Variants in DIS3L2 observed in about 807,000 individuals in gnomAD.
The protein encoded by DIS3L2 is DIS3-like exonuclease 2.
In DIS3L2, 34 loss-of-function variants were observed where a neutral mutation model predicts 97.5. The observed-to-expected ratio is 0.35, with a 90% CI of 0.27 to 0.46. DIS3L2 has a LOEUF of 0.46. DIS3L2 is among the 20% of genes least tolerant of loss of function. The probability of loss-of-function intolerance (pLI) is 1.00; values close to 1 mark genes in which losing one functional copy is unlikely to be tolerated. For missense variants in DIS3L2, 1,038 were observed against 1,146.0 expected (o/e 0.91, Z 1.36); for synonymous variants, 435 against 445.2 (o/e 0.98, Z 0.29).
rs185947302 is a variant in DIS3L2 at position 232,091,225 on chromosome 2, T to C, written c.601+3504T>C. Among the ~76,000 whole-genome samples, 140 of 152,364 alleles carry C rather than the reference T, an allele frequency of 9.2e-4. 1 individual carries two copies. The highest frequency in any genetic ancestry group is 3.2e-3 in the African/African-American group (134 of 41,586). On this transcript the variant is annotated intron_variant, in intron 6 of 20. Transcript: ENST00000325385. ...AATGGCTTTAAAAATGTTCAGCTGT[T>C]GTGCTAGGAAATAGTAGGTCTTATT...
chr2:232,321,484 G>C (rs1028200283), intron 14 of DIS3L2, among the ~76,000 whole-genome samples: 17 of 152,134 alleles, frequency 1.1e-4, no homozygotes, highest in Admixed American at 2.6e-4. Context: ...GGGGCCTTCC[G>C]CATCCCACTG....
chr2:232,324,198 G>A (rs1228239001), intron 14 of DIS3L2, among the ~76,000 whole-genome samples: 1 of 152,154 alleles, frequency 6.6e-6, no homozygotes, highest in Non-Finnish European at 1.5e-5. Context: ...CTGCCTTCAT[G>A]GCCTCGGCAG....
rs1317142196 is a variant in DIS3L2, at chr2:232,268,344, T to G, written c.1659+4904T>G. On this transcript the variant is annotated intron_variant, in intron 13 of 20. Transcript: ENST00000325385. This position sits in a 1 kb window ranked among gnomAD's most constrained non-coding sequence, Gnocchi z 4.1. The stretch of plus-strand genomic sequence containing the variant: ...TTGATTGTAAAGATAGCCTTGTTAA[T>G]GGAAATTATTTTTAAATACCCTGGG... 1.3e-5 allele frequency among the ~76,000 whole-genome samples: 2 copies of G among 152,206 alleles called. No individual in the cohort carries two copies. The highest frequency in any genetic ancestry group is 2.9e-5 in the Non-Finnish European group (2 of 68,046).
Position 232,230,905 on chromosome 2 carries a change from C to T in DIS3L2, c.1205-7628C>T, listed in dbSNP as rs1296385317. ...CAGCTGTGTCCCTAGACACAGCAAG[C>T]TTGCGCCCACCCCCCATCCTTCGCT... On this transcript the variant is annotated intron_variant, in intron 10 of 20. Transcript: ENST00000325385. Among the ~76,000 whole-genome samples the T allele has an allele frequency of 3.3e-5, 5 of 152,216 alleles. No individual in the cohort carries two copies. In the East Asian group the frequency reaches 9.7e-4, roughly 29 times the overall value.
chr2:231,991,156 C>G (rs572121521), intron 1 of DIS3L2, among the ~76,000 whole-genome samples: 3 of 152,172 alleles, frequency 2.0e-5, no homozygotes, highest in Non-Finnish European at 2.9e-5. Flanking sequence ...ATCCGCCTGT[C>G]TCGGTCTCCC....
intron 14 of DIS3L2, among the ~76,000 whole-genome samples, chr2:232,316,683 C>T (rs2106335438): frequency 6.6e-6 from 1 of 152,346 alleles, no homozygotes; most frequent in Non-Finnish European, 1.5e-5. Flanking sequence ...CTGCTTCTGC[C>T]TATTTCCTGG....
At chr2:232,320,519 C>T (rs923827953) in intron 14 of DIS3L2, among the ~76,000 whole-genome samples, 17 of 152,156 alleles carry the variant, frequency 1.1e-4, no homozygotes, top group Admixed American at 2.0e-4. Flanking sequence ...AAGAATGTAT[C>T]GAGGCAAATG....
At chr2:232,194,174 C>G (rs867283957) in intron 9 of DIS3L2, among the ~76,000 whole-genome samples, 1 of 151,800 alleles carries the variant, frequency 6.6e-6, no homozygotes, top group Admixed American at 6.6e-5. Flanking sequence ...CTATATATAT[C>G]TTAGTATATA....
At chr2:232,315,968 C>T (rs1054978317) in intron 14 of DIS3L2, among the ~76,000 whole-genome samples, 5 of 152,192 alleles carry the variant, frequency 3.3e-5, no homozygotes, top group Non-Finnish European at 7.4e-5. Flanking sequence ...CCTCCAAGCC[C>T]GGGTTACCAG....
At chr2:231,990,896 G>A (rs1320652728) in intron 1 of DIS3L2, among the ~76,000 whole-genome samples, 3 of 152,072 alleles carry the variant, frequency 2.0e-5, no homozygotes, top group African/African-American at 2.4e-5. Flanking sequence ...AATAGACTCC[G>A]AGTTTTTGGA....
intron 9 of DIS3L2, among the ~76,000 whole-genome samples, chr2:232,173,815 A>G (rs1253224462): frequency 2.0e-5 from 3 of 152,240 alleles, no homozygotes; most frequent in African/African-American, 7.2e-5. Flanking sequence ...TCTTTATGCC[A>G]GTACCACACT....
Position 232,269,132 on chromosome 2 carries a change from G to A in DIS3L2, c.1659+5692G>A, listed in dbSNP as rs1293801671. 2.6e-5 allele frequency among the ~76,000 whole-genome samples: 4 copies of A among 152,128 alleles called. No homozygotes were observed. In the South Asian group the frequency reaches 8.3e-4, roughly 32 times the overall value. On this transcript the variant is annotated intron_variant, in intron 13 of 20. Transcript: ENST00000325385. This position sits in a 1 kb window ranked among gnomAD's most constrained non-coding sequence, Gnocchi z 4.5. ...TGCTGGCTCTGCCTCGTGTAGGTGCGCTGAAGGTGGGGACTGCTCATGGCA... is the reference window on the plus strand; with the variant it reads ...TGCTGGCTCTGCCTCGTGTAGGTGCACTGAAGGTGGGGACTGCTCATGGCA...
chr2:232,029,936 T>A, intron 4 of DIS3L2, 43 bp from the exon 5 acceptor site: 2 of 1,428,442 alleles, frequency 1.4e-6, no homozygotes, highest in Non-Finnish European at 1.9e-6. Flanking sequence ...TTGCTTTATG[T>A]GTTTTTAAGC....
rs553483452 is a variant in DIS3L2, at chr2:232,209,727, C to T, written c.1125-599C>T. 7.2e-5 allele frequency among the ~76,000 whole-genome samples: 11 copies of T among 152,238 alleles called. No homozygotes were observed. In the East Asian group the frequency reaches 2.1e-3, roughly 29 times the overall value. The stretch of plus-strand genomic sequence containing the variant: ...AAACTGTAAAACAGAATGAGAATGT[C>T]TGGGAGTTTCACAGGGTAAGAGTGT... On this transcript the variant is annotated intron_variant, in intron 9 of 20. Transcript: ENST00000325385.
In DIS3L2 at chr2:232,038,604, C is replaced by G. The variant is rs148829579; in HGVS notation, c.366+8524C>G. On this transcript the variant is annotated intron_variant, in intron 5 of 20. Coordinates refer to ENST00000325385, the MANE Select transcript of DIS3L2 (RefSeq NM_152383.5). The stretch of plus-strand genomic sequence containing the variant: ...AACATATGAATAAGTAAGTCTGTTG[C>G]ATTGTTTTCCTTGTTTCTCACCCCC... 6.3e-3 allele frequency among the ~76,000 whole-genome samples: 960 copies of G among 152,304 alleles called. 1 individual carries two copies. Among genetic ancestry groups the G allele is most frequent in the South Asian group, 0.025 (119 of 4,814 alleles).
chr2:232,040,887 G>A (rs1461325158), intron 5 of DIS3L2, among the ~76,000 whole-genome samples: 1 of 152,132 alleles, frequency 6.6e-6, no homozygotes, highest in Non-Finnish European at 1.5e-5. Flanking sequence ...AGATATCAAG[G>A]AGAGAGTTAT....
intron 5 of DIS3L2, among the ~76,000 whole-genome samples, chr2:232,053,843 T>C (rs1024992693): frequency 1.3e-5 from 2 of 152,210 alleles, no homozygotes; most frequent in Non-Finnish European, 2.9e-5. Context: ...TTATGGTTTT[T>C]ATGGAGGCCA....
chr2:232,098,217 C>T (rs949322510), intron 6 of DIS3L2, among the ~76,000 whole-genome samples: 16 of 152,238 alleles, frequency 1.1e-4, no homozygotes, highest in Non-Finnish European at 1.6e-4. Flanking sequence ...CAAAGCAAGG[C>T]GGAGGAACAA....
At chr2:232,113,108 A>C (rs1269263499) in intron 6 of DIS3L2, among the ~76,000 whole-genome samples, 1 of 152,066 alleles carries the variant, frequency 6.6e-6, no homozygotes. Flanking sequence ...CAGAAAGGAG[A>C]CTTGTCATTA....
Sources: gnomAD v4.1 joint callset for allele counts (sites outside exome capture counted in the v4.1 genomes callset) on GRCh38, gnomAD v4.1.1 for gene constraint, Gnocchi (gnomAD v3.1) non-coding constraint, MANE v1.5 for transcripts, NCBI Gene and HGNC (gene_info 2026-07-23, HGNC 2026-07-21) for gene names.